The following PDE8B variants were observed in gnomAD, a reference collection of about 807,000 sequenced individuals.
PDE8B encodes phosphodiesterase 8B.
In PDE8B, 26 loss-of-function variants were observed where a neutral mutation model predicts 101.3. The ratio of observed to expected loss-of-function variants is 0.26; its 90% CI spans 0.19 to 0.36. PDE8B has a LOEUF of 0.36. PDE8B is among the 10% of genes least tolerant of loss of function. The pLI is 1.00. For synonymous variants in PDE8B, 424 were observed against 429.3 expected (o/e 0.99, Z 0.15); for missense variants, 810 against 1,163.1 (o/e 0.70, Z 4.42).
chr5:77,358,154 A>G (rs1782449675), intron 10 of PDE8B, among the ~76,000 whole-genome samples: 1 of 152,216 alleles, frequency 6.6e-6, no homozygotes, highest in South Asian at 2.1e-4. Flanking sequence ...ACAGAGTCTA[A>G]TATCTCATGG....
At chr5:77,196,579 G>T in the PDE8B span, among the ~76,000 whole-genome samples, 8 of 152,234 alleles carry the variant, frequency 5.3e-5, no homozygotes, top group East Asian at 1.2e-3. Context: ...ATTTCTGGAG[G>T]TTTGGTTTGC....
At chr5:77,126,239 T>C in the PDE8B span, among the ~76,000 whole-genome samples, 1 of 151,888 alleles carries the variant, frequency 6.6e-6, no homozygotes, top group Non-Finnish European at 1.5e-5. Context: ...GAACTGAGTT[T>C]GTGCCACTAC....
chr5:77,231,424 A>G lies in PDE8B; in HGVS notation c.339+20160A>G, dbSNP rs116677967. Among the ~76,000 whole-genome samples, 578 of 152,296 alleles carry G rather than the reference A, an allele frequency of 3.8e-3. 2 individuals carry two copies. The highest frequency in any genetic ancestry group is 0.013 in the African/African-American group (548 of 41,552). ...CTTAAGGAAAAACTGTTTCTCTTTAAGCTGTTTTTCTTTGGTTACAGTGGA... is the reference window on the plus strand; with the variant it reads ...CTTAAGGAAAAACTGTTTCTCTTTAGGCTGTTTTTCTTTGGTTACAGTGGA... On this transcript the variant is annotated intron_variant, in intron 1 of 21. Coordinates refer to ENST00000264917, the MANE Select transcript of PDE8B (RefSeq NM_003719.5).
At chr5:77,202,706 C>A in the PDE8B span, among the ~76,000 whole-genome samples, 2 of 151,746 alleles carry the variant, frequency 1.3e-5, no homozygotes, top group Non-Finnish European at 2.9e-5. Flanking sequence ...GATCTAGGCT[C>A]ACTGTAACCT....
Position 77,391,825 on chromosome 5 carries a change from T to G in PDE8B, c.1168-8423T>G, listed in dbSNP as rs545140395. Among the ~76,000 whole-genome samples the G allele has an allele frequency of 7.9e-5, 12 of 152,366 alleles. No homozygotes were observed. In the South Asian group the frequency reaches 1.4e-3, roughly 18 times the overall value. ...AACATAGGGAGCCATGGGACACAGC[T>G]TCTAAAGGAGAGAGGCGTTTTGATT... On this transcript the variant is annotated intron_variant, in intron 10 of 21. Coordinates refer to ENST00000264917, the MANE Select transcript of PDE8B (RefSeq NM_003719.5).
the PDE8B span, among the ~76,000 whole-genome samples, chr5:77,099,593 G>C: frequency 1.3e-5 from 2 of 150,216 alleles, no homozygotes; most frequent in African/African-American, 4.8e-5. Context: ...GTGCTCCCCA[G>C]GGTGACCTTT....
At chr5:77,181,370 G>A in the PDE8B span, among the ~76,000 whole-genome samples, 9 of 152,174 alleles carry the variant, frequency 5.9e-5, no homozygotes, top group Non-Finnish European at 5.9e-5. Context: ...GAACTTGGGG[G>A]CGTTCCGCTA....
intron 14 of PDE8B, 132 bp downstream of exon 14, chr5:77,409,189 A>C (rs1794069114): frequency 2.7e-6 from 2 of 742,492 alleles, no homozygotes; most frequent in South Asian, 3.0e-5. Flanking sequence ...AACCAGAAGC[A>C]ACTGCGTCAG....
chr5:77,244,473 C>A (rs1057057345), intron 1 of PDE8B, among the ~76,000 whole-genome samples: 2 of 151,022 alleles, frequency 1.3e-5, no homozygotes, highest in Non-Finnish European at 3.0e-5. Context: ...AGCCTTAGGG[C>A]AACTTGCAGT....
intron 10 of PDE8B, among the ~76,000 whole-genome samples, chr5:77,395,374 C>G (rs1399576029): frequency 6.6e-6 from 1 of 151,928 alleles, no homozygotes; most frequent in Non-Finnish European, 1.5e-5. Context: ...CTCAGCCTCC[C>G]AAAGTGCTGG....
At chr5:77,263,136 A>C (rs1760978677) in intron 1 of PDE8B, among the ~76,000 whole-genome samples, 1 of 152,224 alleles carries the variant, frequency 6.6e-6, no homozygotes, top group African/African-American at 2.4e-5. Flanking sequence ...AAGAAAAATG[A>C]TCAGTGGATC....
intron 10 of PDE8B, among the ~76,000 whole-genome samples, chr5:77,355,016 G>A (rs1781826901): frequency 6.6e-6 from 1 of 152,218 alleles, no homozygotes; most frequent in Admixed American, 6.5e-5. Flanking sequence ...CTGTCCTTGT[G>A]TGCCCACACT....
At chr5:77,373,307 T>C (rs1002932020) in intron 10 of PDE8B, among the ~76,000 whole-genome samples, 2 of 143,690 alleles carry the variant, frequency 1.4e-5, no homozygotes, top group Non-Finnish European at 2.9e-5. Flanking sequence ...CTCAGGTCAT[T>C]ATTATTATTT....
Position 77,404,775 on chromosome 5 carries a change from G to C in PDE8B, c.1266G>C (p.Ser422=), listed in dbSNP as rs146656374. 4 of 1,601,714 alleles carry C rather than the reference G, an allele frequency of 2.5e-6. No homozygotes were observed. The Admixed American group carries it at 6.7e-5, about 27-fold the overall frequency. The part of the protein sequence containing the change: ...NRRKESIDVK[S]ISSRGSDAPS... The stretch of plus-strand genomic sequence containing the variant: ...GGAAAGAGTCCATTGACGTGAAATC[G>C]ATATCATCTCGAGGCAGTGATGGTA... Residue 422 remains serine (S), a synonymous_variant, in exon 12 of 22, where the codon TCG becomes TCC. Coordinates refer to ENST00000264917, the MANE Select transcript of PDE8B (RefSeq NM_003719.5).
chr5:77,203,396 G>A, the PDE8B span, among the ~76,000 whole-genome samples: 1 of 152,172 alleles, frequency 6.6e-6, no homozygotes, highest in Admixed American at 6.5e-5. Flanking sequence ...GTATGTCTGT[G>A]TTCCTAACTG....
At chr5:77,147,102 G>A in the PDE8B span, 1 of 370,038 alleles carries the variant, frequency 2.7e-6, no homozygotes, top group East Asian at 7.5e-5. Flanking sequence ...AGTTGTCACG[G>A]CTAAAAAAAG....
rs555496317 is a variant in PDE8B, at chr5:77,298,751, A to T, written c.340-13243A>T. Among the ~76,000 whole-genome samples the T allele has an allele frequency of 1.6e-3, 248 of 152,278 alleles. 2 individuals carry two copies. The highest frequency in any genetic ancestry group is 5.7e-3 in the African/African-American group (238 of 41,546). ...TGATGATGGGGCTTTAGAGACTTTGAACTAAAATGCCAAGGCCTCAGCTCC... is the reference window on the plus strand; with the variant it reads ...TGATGATGGGGCTTTAGAGACTTTGTACTAAAATGCCAAGGCCTCAGCTCC... On this transcript the variant is annotated intron_variant, in intron 1 of 21. Coordinates refer to ENST00000264917, the MANE Select transcript of PDE8B (RefSeq NM_003719.5).
intron 1 of PDE8B, among the ~76,000 whole-genome samples, chr5:77,268,132 A>T (rs1762106959): frequency 6.6e-6 from 1 of 152,070 alleles, no homozygotes; most frequent in Admixed American, 6.5e-5. Context: ...ACCACTGACC[A>T]CTAAAATAGC....
chr5:77,320,218 A>G (rs1332561315), intron 2 of PDE8B, among the ~76,000 whole-genome samples: 1 of 152,172 alleles, frequency 6.6e-6, no homozygotes, highest in Non-Finnish European at 1.5e-5. Flanking sequence ...TGTACCCATC[A>G]CCCGAAAAGT....
Sources: gnomAD v4.1 joint callset for allele counts (sites outside exome capture counted in the v4.1 genomes callset) on GRCh38, gnomAD v4.1.1 for gene constraint, MANE v1.5 for transcripts, NCBI Gene and HGNC (gene_info 2026-07-23, HGNC 2026-07-21) for gene names.